Variants in UBR3 observed in about 807,000 individuals in gnomAD.
UBR3 encodes the protein E3 ubiquitin-protein ligase UBR3.
Under a neutral mutation model 243.2 loss-of-function variants are expected in UBR3, and 85 were observed. The observed-to-expected ratio is 0.35, with a 90% CI of 0.29 to 0.42. The LOEUF (loss-of-function observed/expected upper bound fraction) is 0.42, where lower values mean the gene tolerates loss of function less well. UBR3 is among the 10% of genes least tolerant of loss of function. UBR3 has a pLI of 1.00. For synonymous variants in UBR3, 748 were observed against 799.8 expected (o/e 0.94, Z 1.09); for missense variants, 1,686 against 2,300.8 (o/e 0.73, Z 5.47).
intron 26 of UBR3, 71 bp downstream of exon 26, chr2:169,994,527 G>A: frequency 1.3e-6 from 2 of 1,486,606 alleles, no homozygotes. Flanking sequence ...AATTTTACAT[G>A]TCTTTTACCA....
At chr2:169,869,216 G>GTTTTT (rs11344991) in intron 1 of UBR3, among the ~76,000 whole-genome samples, 22 of 56,200 alleles carry the variant, frequency 3.9e-4, no homozygotes, top group South Asian at 1.9e-3. Flanking sequence ...GATTGATAAG[G>GTTTTT]TTTTTTTTTT....
At chr2:169,845,740 C>A (rs769399332) in intron 1 of UBR3, among the ~76,000 whole-genome samples, 2 of 151,776 alleles carry the variant, frequency 1.3e-5, no homozygotes, top group Non-Finnish European at 2.9e-5. Flanking sequence ...CACACCACCA[C>A]ACCCAGATAA....
chr2:169,862,717 CAT>C (rs1292703182), intron 1 of UBR3, among the ~76,000 whole-genome samples: 1 of 152,000 alleles, frequency 6.6e-6, no homozygotes, highest in Non-Finnish European at 1.5e-5. Flanking sequence ...AGGTAGATAT[CAT>C]ATATGTTTAT....
intron 25 of UBR3, among the ~76,000 whole-genome samples, 196 bp downstream of exon 25, chr2:169,986,990 C>T (rs1178463673): frequency 6.6e-6 from 1 of 152,128 alleles, no homozygotes; most frequent in Non-Finnish European, 1.5e-5. Context: ...GAAGAAACTC[C>T]TAACAGAGAT....
intron 35 of UBR3, among the ~76,000 whole-genome samples, chr2:170,069,299 A>C (rs1298996720): frequency 6.6e-6 from 1 of 152,132 alleles, no homozygotes; most frequent in East Asian, 1.9e-4. Flanking sequence ...GGTACAAGAA[A>C]TATTTGAGTT....
At chr2:170,018,974 G>C (rs2090318546) in intron 30 of UBR3, among the ~76,000 whole-genome samples, 1 of 152,052 alleles carries the variant, frequency 6.6e-6, no homozygotes, top group Admixed American at 6.6e-5. Flanking sequence ...TGAAACCATT[G>C]GCAATGCCAT....
intron 24 of UBR3, among the ~76,000 whole-genome samples, chr2:169,982,250 A>C (rs891089621): frequency 6.6e-6 from 1 of 152,166 alleles, no homozygotes; most frequent in African/African-American, 2.4e-5. Flanking sequence ...CACCGAATAC[A>C]TCATCCCTAT....
intron 25 of UBR3, among the ~76,000 whole-genome samples, chr2:169,989,376 C>A (rs141818391): frequency 0.011 from 1,715 of 152,136 alleles, 38 homozygotes; most frequent in African/African-American, 0.04. Context: ...TCTATCTTTA[C>A]CCCCTCCTCC....
At chr2:169,975,972 G>T (rs1306166350) in intron 24 of UBR3, among the ~76,000 whole-genome samples, 1 of 149,312 alleles carries the variant, frequency 6.7e-6, no homozygotes, top group Non-Finnish European at 1.5e-5. Flanking sequence ...TTACAGTTTT[G>T]GACTTAAAGC....
chr2:169,953,720 T>C (rs548324986), intron 23 of UBR3, among the ~76,000 whole-genome samples: 13 of 152,346 alleles, frequency 8.5e-5, no homozygotes, highest in Admixed American at 2.6e-4. Flanking sequence ...GGTTTTCTTA[T>C]GTTTAATAGA....
rs534438003 is a variant in UBR3, at chr2:170,077,550, A to T, written c.5200-2264A>T. The T allele has an allele frequency of 3.5e-5, 24 of 681,784 alleles. No homozygotes were observed. The African/African-American group carries it at 4.4e-4, about 13-fold the overall frequency. The allele number at this position is 681,784 out of a possible 1,614,324, so 42.2% of individuals were successfully genotyped here. On this transcript the variant is annotated intron_variant, in intron 36 of 38. Transcript: ENST00000272793. Reference sequence around the variant, plus strand: ...AGCCATCTCCAACAAAGCAGACTTTAGTAACCATCCTCCTCTATGCCTGCG... The same window carrying T: ...AGCCATCTCCAACAAAGCAGACTTTTGTAACCATCCTCCTCTATGCCTGCG...
At chr2:169,832,959 G>C (rs545805222) in intron 1 of UBR3, among the ~76,000 whole-genome samples, 1 of 152,016 alleles carries the variant, frequency 6.6e-6, no homozygotes, top group African/African-American at 2.4e-5. Context: ...CTTTATGGGT[G>C]GATGAACTCA....
chr2:169,990,703 T>TA (rs1008282730), intron 25 of UBR3, among the ~76,000 whole-genome samples: 2 of 133,804 alleles, frequency 1.5e-5, no homozygotes, highest in African/African-American at 2.9e-5. Flanking sequence ...GTAAACACTA[T>TA]AAAAAAAAGT....
intron 1 of UBR3, among the ~76,000 whole-genome samples, chr2:169,871,428 A>C (rs1390195692): frequency 6.6e-6 from 1 of 151,972 alleles, no homozygotes; most frequent in Non-Finnish European, 1.5e-5. Context: ...AAAAAAAAAA[A>C]AACAGTTAAC....
chr2:169,830,364 G>T (rs926514359), intron 1 of UBR3, among the ~76,000 whole-genome samples: 1 of 152,178 alleles, frequency 6.6e-6, no homozygotes, highest in African/African-American at 2.4e-5. Flanking sequence ...CAACAGAGTA[G>T]TAGTAAAATT....
At chr2:169,828,515 G>A (rs2081821215) in intron 1 of UBR3, among the ~76,000 whole-genome samples, 1 of 152,030 alleles carries the variant, frequency 6.6e-6, no homozygotes, top group Admixed American at 6.6e-5. Flanking sequence ...GAGAGCTGGG[G>A]AGGTGGTCTT....
chr2:170,047,193 C>G (rs13007218), intron 32 of UBR3, among the ~76,000 whole-genome samples: 1,012 of 18,266 alleles, frequency 0.055, 5 homozygotes, highest in Middle Eastern at 0.21. Context: ...GTGGCGGTGT[C>G]GGGGGGGGGG....
At chr2:169,836,059 A>ATTTTT (rs1558998942) in intron 1 of UBR3, among the ~76,000 whole-genome samples, 2 of 40,950 alleles carry the variant, frequency 4.9e-5, no homozygotes, top group Non-Finnish European at 1.1e-4. Flanking sequence ...ATATATATAT[A>ATTTTT]TATATATATT....
chr2:170,038,398 A>C (rs1305283241), intron 31 of UBR3, among the ~76,000 whole-genome samples: 1 of 152,184 alleles, frequency 6.6e-6, no homozygotes, highest in Non-Finnish European at 1.5e-5. Flanking sequence ...TTTCCCATGA[A>C]TATTTCATTT....
Sources: gnomAD v4.1 joint callset for allele counts (sites outside exome capture counted in the v4.1 genomes callset) on GRCh38, gnomAD v4.1.1 for gene constraint, MANE v1.5 for transcripts, NCBI Gene and HGNC (gene_info 2026-07-23, HGNC 2026-07-21) for gene names.